Variants in PPWD1 observed in about 807,000 individuals in gnomAD.
The protein encoded by PPWD1 is peptidylprolyl isomerase domain and WD repeat-containing protein 1.
PPWD1 carries 43 observed loss-of-function variants against 68.8 expected under a neutral mutation model. The ratio of observed to expected loss-of-function variants is 0.62; its 90% CI spans 0.49 to 0.81. The LOEUF (loss-of-function observed/expected upper bound fraction) is 0.81. Among genes scored for constraint, PPWD1 ranks in the 30% least tolerant of loss-of-function variants. The pLI is 0.00. For synonymous variants in PPWD1, 232 were observed against 258.7 expected, an observed-to-expected ratio of 0.90 and a Z score of 0.99; for missense variants, 672 against 804.8, an observed-to-expected ratio of 0.83 and a Z score of 2.00.
At chr5:65,567,797 A>G in intron 2 of PPWD1, 182 bp downstream of exon 2, 1 of 1,129,926 alleles carries the variant, frequency 8.9e-7, no homozygotes, top group Non-Finnish European at 1.1e-6. Context: ...TCTCTAAGAT[A>G]GAACCCCTGA....
chr5:65,575,655 G>A (rs1010178490), intron 5 of PPWD1, among the ~76,000 whole-genome samples: 3 of 91,364 alleles, frequency 3.3e-5, no homozygotes, highest in Admixed American at 9.6e-5. Context: ...TGTAAAGATC[G>A]TTACTCTTTT....
intron 10 of PPWD1, among the ~76,000 whole-genome samples, chr5:65,586,529 A>C (rs942956202): frequency 2.0e-5 from 3 of 152,180 alleles, no homozygotes; most frequent in African/African-American, 7.2e-5. Context: ...ATATGAATTC[A>C]CAATTTTGAG....
Position 65,565,831 on chromosome 5 carries a change from A to G in PPWD1, c.197-1682A>G, listed in dbSNP as rs960253307. ...TCAAAAAAAAAAAAAAAAAAAGCCA[A>G]TAGTTTATTCAGTTTGAAGAAAAAA... is the stretch of plus-strand genomic sequence containing the variant. On this transcript the variant is annotated intron_variant, in intron 1 of 10. Coordinates refer to ENST00000261308, the MANE Select transcript of PPWD1 (RefSeq NM_015342.4). Among the ~76,000 whole-genome samples the G allele has an allele frequency of 2.0e-5, 3 of 151,512 alleles. No individual in the cohort carries two copies. In the East Asian group the frequency reaches 5.8e-4, roughly 29 times the overall value.
At chr5:65,574,491 C>T (rs1464272630) in intron 5 of PPWD1, among the ~76,000 whole-genome samples, 2 of 123,890 alleles carry the variant, frequency 1.6e-5, no homozygotes, top group East Asian at 4.5e-4. Context: ...GAGTCTCGCC[C>T]TGTTGCCCAG....
chr5:65,585,045 C>G lies in PPWD1; in HGVS notation c.1564C>G (p.His522Asp). The change falls in exon 9 of 11, where the codon CAC becomes GAC. Residue 522 changes from histidine (H) to aspartate (D), a missense_variant. Coordinates refer to ENST00000261308, the MANE Select transcript of PPWD1 (RefSeq NM_015342.4). ...CPKTVENFCVHSRNGYYNGHT... is the reference protein window; with the variant it reads ...CPKTVENFCVDSRNGYYNGHT... The stretch of plus-strand genomic sequence containing the variant: ...TAAGACAGTGGAAAACTTCTGTGTT[C>G]ACAGCAGAAATGGTTATTATAATGG... The G allele has an allele frequency of 6.2e-7, 1 of 1,612,450 alleles. No homozygotes were observed. Among genetic ancestry groups the G allele is most frequent in the East Asian group, 2.2e-5 (1 of 44,796 alleles).
chr5:65,578,733 T>C (rs569057927), intron 6 of PPWD1, among the ~76,000 whole-genome samples: 1,632 of 84,368 alleles, frequency 0.019, 30 homozygotes, highest in African/African-American at 0.061. Flanking sequence ...CATATATATA[T>C]ACATATATAT....
chr5:65,578,384 C>A (rs560311475), intron 6 of PPWD1, among the ~76,000 whole-genome samples: 2 of 152,286 alleles, frequency 1.3e-5, no homozygotes, highest in East Asian at 3.9e-4. Context: ...CATATGGTAA[C>A]AGAATGTTTA....
intron 1 of PPWD1, among the ~76,000 whole-genome samples, chr5:65,564,652 A>G (rs1259422090): frequency 2.0e-5 from 3 of 152,136 alleles, no homozygotes; most frequent in Non-Finnish European, 4.4e-5. Context: ...ACTCCCTCAC[A>G]TGGCATATAA....
In PPWD1 at chr5:65,586,173, G is replaced by A. The variant is rs750064789; in HGVS notation, c.1789G>A (p.Val597Ile). The change falls in exon 10 of 11, where the codon GTA becomes ATA. Residue 597 changes from valine to isoleucine, a missense_variant. Val to Ile is a conservative substitution (Grantham distance 29). Transcript: ENST00000261308. ...TNGSQFFITV[V>I]PTPWLDNKHT... ...TGGATCCCAGTTTTTCATAACGGTA[G>A]TACCAACGGTAAGTACAGTATCATT... 83 of 1,611,894 alleles carry A rather than the reference G, an allele frequency of 5.1e-5. No individual in the cohort carries two copies. The highest frequency in any genetic ancestry group is 5.9e-6 in the Non-Finnish European group (7 of 1,178,736).
chr5:65,564,528 C>T (rs141770743), intron 1 of PPWD1, among the ~76,000 whole-genome samples: 2,529 of 152,168 alleles, frequency 0.017, 58 homozygotes, highest in African/African-American at 0.057. Context: ...ACCATGTTGG[C>T]CAGGATGGTC....
intron 10 of PPWD1, 134 bp from the exon 11 acceptor site, chr5:65,587,119 A>C (rs1753882753): frequency 2.0e-6 from 2 of 995,400 alleles, no homozygotes; most frequent in South Asian, 3.1e-5. Context: ...TATTGCTGAG[A>C]AATTATTGTA....
chr5:65,573,814 C>A (rs1179963140), intron 5 of PPWD1, among the ~76,000 whole-genome samples: 1 of 152,024 alleles, frequency 6.6e-6, no homozygotes, highest in Admixed American at 6.6e-5. Context: ...CTATCTCCAG[C>A]AGTGAGAACA....
chr5:65,569,097 C>G, intron 2 of PPWD1: 1 of 436,084 alleles, frequency 2.3e-6, no homozygotes, highest in Non-Finnish European at 4.6e-6. Context: ...TACAAAGTAC[C>G]TGACATATAC....
chr5:65,569,794 T>A (rs1296408509), intron 3 of PPWD1, 62 bp downstream of exon 3: 2 of 1,545,770 alleles, frequency 1.3e-6, no homozygotes, highest in Admixed American at 1.9e-5. Flanking sequence ...AAAGTTTAAA[T>A]TTTTTAAATT....
intron 5 of PPWD1, among the ~76,000 whole-genome samples, chr5:65,575,914 G>A (rs1753258189): frequency 6.6e-6 from 1 of 152,276 alleles, no homozygotes; most frequent in East Asian, 1.9e-4. Flanking sequence ...CAAAAATTGA[G>A]TGCTTGTTAT....
chr5:65,586,274 TCTGCATTATTTATA>T, intron 10 of PPWD1, 93 bp downstream of exon 10: 1 of 1,225,070 alleles, frequency 8.2e-7, no homozygotes, highest in Non-Finnish European at 1.1e-6. Flanking sequence ...TTCTGTATTT[TCTGCATTATTTATA>T]TCATCTAGCA....
At chr5:65,585,969 ATG>A in intron 9 of PPWD1, 28 bp from the exon 10 acceptor site, 1 of 1,607,226 alleles carries the variant, frequency 6.2e-7, no homozygotes, top group East Asian at 2.2e-5. Flanking sequence ...GAAAAGGACA[ATG>A]TAATGTTTTT....
At chr5:65,578,019 T>C (rs1753384323) in intron 6 of PPWD1, among the ~76,000 whole-genome samples, 1 of 152,252 alleles carries the variant, frequency 6.6e-6, no homozygotes, top group South Asian at 2.1e-4. Flanking sequence ...AATCCTCTGC[T>C]CTGACTGTTC....
At chr5:65,578,787 TATATATATAC>T in intron 6 of PPWD1, among the ~76,000 whole-genome samples, 1 of 138,740 alleles carries the variant, frequency 7.2e-6, no homozygotes, top group South Asian at 2.3e-4. Flanking sequence ...TATATGTGTA[TATATATATAC>T]ATATATATGT....
Sources: gnomAD v4.1 joint callset for allele counts (sites outside exome capture counted in the v4.1 genomes callset) on GRCh38, gnomAD v4.1.1 for gene constraint, MANE v1.5 for transcripts, NCBI Gene and HGNC (gene_info 2026-07-23, HGNC 2026-07-21) for gene names.